Variants in C1orf21 observed in about 807,000 individuals in gnomAD.
C1orf21 encodes the protein chromosome 1 open reading frame 21, also known as uncharacterized protein C1orf21.
A neutral mutation model predicts 18.7 loss-of-function variants in C1orf21; 3 were observed. That is an observed-to-expected ratio of 0.16 (90% confidence interval 0.07 to 0.42). The LOEUF (loss-of-function observed/expected upper bound fraction) is 0.42. C1orf21 is among the 10% of genes least tolerant of loss of function. C1orf21 has a pLI of 0.99. For missense variants in C1orf21, 104 were observed against 143.6 expected (o/e 0.72, Z 1.41); for synonymous variants, 41 against 46.4 (o/e 0.88, Z 0.47).
At chr1:184,590,067 G>A (rs1005652210) in intron 3 of C1orf21, among the ~76,000 whole-genome samples, 3 of 152,150 alleles carry the variant, frequency 2.0e-5, no homozygotes, top group Admixed American at 6.5e-5. Context: ...TTAAGATAAC[G>A]TTGAAAAATG....
intron 3 of C1orf21, among the ~76,000 whole-genome samples, chr1:184,579,342 A>C (rs571896224): frequency 7.2e-4 from 102 of 141,348 alleles, no homozygotes; most frequent in African/African-American, 2.7e-3. Flanking sequence ...ATGAACTACT[A>C]CACCTGACCT....
intron 3 of C1orf21, among the ~76,000 whole-genome samples, chr1:184,531,068 T>A (rs1658456020): frequency 6.6e-6 from 1 of 152,184 alleles, no homozygotes; most frequent in Non-Finnish European, 1.5e-5. Context: ...TATACAAATT[T>A]CCACCTGTTT....
chr1:184,450,192 TTCAA>T, intron 1 of C1orf21, among the ~76,000 whole-genome samples: 1 of 152,198 alleles, frequency 6.6e-6, no homozygotes, highest in East Asian at 1.9e-4. Flanking sequence ...TTACTCAAGC[TTCAA>T]TCAGAGAAGC....
chr1:184,390,836 A>G (rs1172549184), intron 1 of C1orf21, among the ~76,000 whole-genome samples: 2 of 152,202 alleles, frequency 1.3e-5, no homozygotes, highest in African/African-American at 2.4e-5. Context: ...CAGTAAATAA[A>G]AATTATGCTT....
chr1:184,519,026 T>C lies in C1orf21; in HGVS notation c.189+11344T>C, dbSNP rs545968964. Among the ~76,000 whole-genome samples the C allele has an allele frequency of 3.9e-5, 6 of 152,272 alleles. No individual in the cohort carries two copies. In the East Asian group the frequency reaches 1.2e-3, roughly 29 times the overall value. On this transcript the variant is annotated intron_variant, in intron 3 of 5. Transcript: ENST00000235307. ...GGAAGTGTTTATTTGGCTAGCTGGG[T>C]GTTTTTTTCCTGTCAGCACATTAAT...
chr1:184,616,499 T>G (rs148680379), intron 5 of C1orf21, among the ~76,000 whole-genome samples: 2 of 152,366 alleles, frequency 1.3e-5, no homozygotes, highest in East Asian at 3.9e-4. Context: ...AAATGAAAGT[T>G]GCAGAGTCCT....
At chr1:184,423,966 A>G (rs2101967782) in intron 1 of C1orf21, among the ~76,000 whole-genome samples, 1 of 152,254 alleles carries the variant, frequency 6.6e-6, no homozygotes, top group African/African-American at 2.4e-5. Context: ...CGTAAAGTTT[A>G]ATACAATAGT....
intron 1 of C1orf21, among the ~76,000 whole-genome samples, chr1:184,435,709 G>A (rs751815960): frequency 1.3e-5 from 2 of 152,194 alleles, no homozygotes; most frequent in Non-Finnish European, 2.9e-5. Flanking sequence ...AGTTTGAGGA[G>A]TCCAGTAGAA....
At chr1:184,612,201 G>A (rs1255917741) in intron 5 of C1orf21, among the ~76,000 whole-genome samples, 1 of 152,186 alleles carries the variant, frequency 6.6e-6, no homozygotes, top group African/African-American at 2.4e-5. Flanking sequence ...CCTTCAGCTA[G>A]TCACCAAGCC....
intron 1 of C1orf21, among the ~76,000 whole-genome samples, chr1:184,433,623 A>G (rs1656809636): frequency 6.6e-6 from 1 of 152,234 alleles, no homozygotes; most frequent in Non-Finnish European, 1.5e-5. Flanking sequence ...TAGTTGTCAC[A>G]TTATAAAATA....
At chr1:184,467,798 C>T (rs961923773) in intron 1 of C1orf21, among the ~76,000 whole-genome samples, 7 of 152,182 alleles carry the variant, frequency 4.6e-5, no homozygotes, top group African/African-American at 1.7e-4. Context: ...CTACTATGTG[C>T]CAGGTGCTGT....
intron 1 of C1orf21, among the ~76,000 whole-genome samples, chr1:184,441,476 T>C (rs558378418): frequency 6.6e-6 from 1 of 152,362 alleles, no homozygotes; most frequent in African/African-American, 2.4e-5. Flanking sequence ...GTATTCTTAC[T>C]CAACCTAAAG....
chr1:184,567,249 T>G (rs1659047318), intron 3 of C1orf21: 2 of 465,436 alleles, frequency 4.3e-6, no homozygotes, highest in Non-Finnish European at 8.7e-6. Flanking sequence ...CCAGAGGAGC[T>G]CCATGTTCAG....
intron 1 of C1orf21, among the ~76,000 whole-genome samples, chr1:184,436,105 G>C (rs1056446764): frequency 6.6e-6 from 1 of 152,114 alleles, no homozygotes; most frequent in African/African-American, 2.4e-5. Context: ...GGAGATGCTG[G>C]TGATGGATGC....
At chr1:184,553,434 G>T (rs1432508577) in intron 3 of C1orf21, among the ~76,000 whole-genome samples, 1 of 152,084 alleles carries the variant, frequency 6.6e-6, no homozygotes. Context: ...TCCTGGTTCT[G>T]TGCCGTAAAC....
rs891771974 is a variant in C1orf21, at chr1:184,621,454, A to G, written c.*1898A>G. 6.6e-6 allele frequency: 1 copy of G among 152,630 alleles called. No individual in the cohort carries two copies. The highest frequency in any genetic ancestry group is 1.5e-5 in the Non-Finnish European group (1 of 68,038). 9.5% of individuals were successfully genotyped at this position (152,630 alleles called of 1,614,324 possible). A position where few individuals can be genotyped will look rare whatever the true frequency, so the allele number is the denominator to read the frequency against. On this transcript the variant is annotated 3_prime_UTR_variant, in exon 6 of 6. Transcript: ENST00000235307. The stretch of plus-strand genomic sequence containing the variant: ...CCTCCCCTCATATGGTTTTTGGCCA[A>G]GTGACTAAAACAGTTTTCCACAACT...
chr1:184,461,824 C>T (rs547747704), intron 1 of C1orf21, among the ~76,000 whole-genome samples: 3 of 152,134 alleles, frequency 2.0e-5, no homozygotes, highest in African/African-American at 7.2e-5. Context: ...ATTTTTGCCG[C>T]TGCTGGAATG....
chr1:184,560,506 T>A (rs745341704), intron 3 of C1orf21, among the ~76,000 whole-genome samples: 2 of 152,244 alleles, frequency 1.3e-5, no homozygotes, highest in Non-Finnish European at 2.9e-5. Flanking sequence ...AGAATATTTT[T>A]AAGAAAATTC....
intron 1 of C1orf21, among the ~76,000 whole-genome samples, chr1:184,438,157 A>T (rs2101973706): frequency 6.6e-6 from 1 of 152,250 alleles, no homozygotes; most frequent in East Asian, 1.9e-4. Flanking sequence ...AAAAAAAAAG[A>T]GGAGGCTAAA....
Sources: allele counts gnomAD v4.1 joint callset (sites outside exome capture counted in the v4.1 genomes callset), GRCh38; gene constraint gnomAD v4.1.1; transcripts MANE v1.5; gene names NCBI Gene and HGNC (gene_info 2026-07-23, HGNC 2026-07-21).